Variants in ABR observed in about 807,000 individuals in gnomAD.
The protein encoded by ABR is active breakpoint cluster region-related protein.
In ABR, 35 loss-of-function variants were observed where a neutral mutation model predicts 107.2. The ratio of observed to expected loss-of-function variants is 0.33; its 90% confidence interval spans 0.25 to 0.43. The LOEUF (loss-of-function observed/expected upper bound fraction) is 0.43, where lower values mean the gene tolerates loss of function less well. Among genes scored for constraint, ABR ranks in the 20% least tolerant of loss-of-function variants. The pLI, the probability that ABR is intolerant of heterozygous loss-of-function variation, is 1.00. For synonymous variants in ABR, 498 were observed against 462.0 expected, an observed-to-expected ratio of 1.08 and a Z score of -1.00; for missense variants, 815 against 1,115.2, an observed-to-expected ratio of 0.73 and a Z score of 3.83.
In ABR at chr17:1,218,769, T is replaced by C. The variant is rs370201103; in HGVS notation, c.838+10024A>G. Among the ~76,000 whole-genome samples the C allele has an allele frequency of 2.0e-5, 3 of 152,318 alleles. No individual in the cohort carries two copies. In the East Asian group the frequency reaches 5.8e-4, roughly 29 times the overall value. On this transcript the variant is annotated intron_variant, in intron 1 of 22. Transcript: ENST00000574139. ...TGTTCTTTATGATTTGAAATAATGC[T>C]GTAAGTGATGAGTAGGTCACCAAGA... is the stretch of plus-strand genomic sequence containing the variant.
exon 1 of ABR, among the ~76,000 whole-genome samples, chr17:1,229,513 G>C (rs1476775861): frequency 6.6e-6 from 1 of 152,034 alleles, no homozygotes; most frequent in African/African-American, 2.4e-5. Context: ...TCCAGGTTGA[G>C]TCTGCGGCGC....
chr17:1,160,869 G>A (rs1428017222), intron 1 of ABR, among the ~76,000 whole-genome samples: 2 of 152,256 alleles, frequency 1.3e-5, no homozygotes, highest in Non-Finnish European at 2.9e-5. Flanking sequence ...GGGAACTTCA[G>A]CGATACGGAA....
chr17:1,130,806 G>A (rs1223668836), intron 1 of ABR, among the ~76,000 whole-genome samples: 1 of 152,202 alleles, frequency 6.6e-6, no homozygotes, highest in Non-Finnish European at 1.5e-5. Context: ...ACAGAGGCAA[G>A]GTTTGGACTG....
intron 3 of ABR, among the ~76,000 whole-genome samples, chr17:1,097,865 C>A (rs972739927): frequency 1.3e-5 from 2 of 152,084 alleles, no homozygotes; most frequent in South Asian, 4.1e-4. Context: ...GAATGTCTGA[C>A]GGGTTGTCTC....
At chr17:1,026,458 G>T (rs2072203018) in intron 16 of ABR, among the ~76,000 whole-genome samples, 1 of 152,208 alleles carries the variant, frequency 6.6e-6, no homozygotes, top group Non-Finnish European at 1.5e-5. Context: ...CCAGAAAGGA[G>T]ATCCCTCCAG....
intron 21 of ABR, among the ~76,000 whole-genome samples, chr17:1,008,198 C>G (rs1459517943): frequency 6.6e-6 from 1 of 152,232 alleles, no homozygotes; most frequent in African/African-American, 2.4e-5. Context: ...ACAGCAGGAG[C>G]TGCCATCAGG....
chr17:1,169,411 G>C (rs946961401), intron 1 of ABR, among the ~76,000 whole-genome samples: 2 of 152,244 alleles, frequency 1.3e-5, no homozygotes, highest in Admixed American at 1.3e-4. Context: ...CCAATCAATT[G>C]CTTTGTTACT....
At chr17:1,094,923 CA>C (rs920212070) in intron 3 of ABR, among the ~76,000 whole-genome samples, 2 of 152,148 alleles carry the variant, frequency 1.3e-5, no homozygotes, top group Admixed American at 6.5e-5. Context: ...AGTGTCCCCC[CA>C]AGCCCAGGTG....
chr17:1,191,849 C>T (rs928243519), upstream of ABR, among the ~76,000 whole-genome samples: 22 of 152,164 alleles, frequency 1.4e-4, no homozygotes, highest in East Asian at 5.8e-4. Context: ...GCCACACGAC[C>T]GCTCCAGGAG....
chr17:1,129,531 C>CA (rs1227563315), intron 1 of ABR, among the ~76,000 whole-genome samples: 2 of 151,740 alleles, frequency 1.3e-5, no homozygotes, highest in Non-Finnish European at 2.9e-5. Context: ...GACTCCGTCT[C>CA]AAAAAAACAA....
At chr17:1,075,564 G>A (rs560841977) in intron 6 of ABR, among the ~76,000 whole-genome samples, 3 of 146,400 alleles carry the variant, frequency 2.0e-5, no homozygotes, top group Non-Finnish European at 3.0e-5. Flanking sequence ...CGGAATCACT[G>A]GGGGAGCGGT....
chr17:1,057,834 A>G, intron 12 of ABR, 136 bp downstream of exon 12: 1 of 734,090 alleles, frequency 1.4e-6, no homozygotes, highest in Non-Finnish European at 2.4e-6. Context: ...TAACATCCTT[A>G]AACGCTCACC....
intron 1 of ABR, among the ~76,000 whole-genome samples, chr17:1,197,620 A>G (rs918927870): frequency 6.6e-6 from 1 of 151,670 alleles, no homozygotes; most frequent in African/African-American, 2.4e-5. Context: ...TTTCCTCCCA[A>G]AAGCCACATG....
At chr17:1,207,678 GA>G (rs1168844357) in intron 1 of ABR, among the ~76,000 whole-genome samples, 1 of 151,756 alleles carries the variant, frequency 6.6e-6, no homozygotes, top group Non-Finnish European at 1.5e-5. Flanking sequence ...AGAAGTGGGG[GA>G]AAAAAGGAAA....
intron 3 of ABR, among the ~76,000 whole-genome samples, chr17:1,095,500 T>C (rs377542513): frequency 3.3e-4 from 51 of 152,274 alleles, no homozygotes; most frequent in African/African-American, 1.0e-3. Context: ...GAGGGTGGAC[T>C]GAAAGGCAAG....
intron 1 of ABR, among the ~76,000 whole-genome samples, chr17:1,159,244 A>ACG (rs1333740778): frequency 1.1e-4 from 17 of 151,520 alleles, no homozygotes; most frequent in East Asian, 1.9e-4. Flanking sequence ...TGCGGTACTC[A>ACG]CACACGGGAG....
At chr17:1,022,120 A>AACAAAAAAAAAC (rs1555534387) in intron 16 of ABR, among the ~76,000 whole-genome samples, 5 of 118,388 alleles carry the variant, frequency 4.2e-5, no homozygotes, top group Non-Finnish European at 6.5e-5. Flanking sequence ...AAAAAAAAAA[A>AACAAAAAAAAAC]AAAAACAGAA....
chr17:1,079,182 C>T (rs931349494), intron 6 of ABR, 148 bp downstream of exon 6: 1 of 1,473,078 alleles, frequency 6.8e-7, no homozygotes, highest in South Asian at 1.3e-5. Context: ...GCACTCAGCT[C>T]ACACTCACAC....
intron 4 of ABR, among the ~76,000 whole-genome samples, chr17:1,086,690 A>G (rs533339078): frequency 2.2e-4 from 34 of 152,242 alleles, no homozygotes; most frequent in Non-Finnish European, 3.5e-4. Context: ...TAGTAGAGAC[A>G]GGGTTTCGTC....
Sources: allele counts gnomAD v4.1 joint callset (sites outside exome capture counted in the v4.1 genomes callset), GRCh38; gene constraint gnomAD v4.1.1; transcripts MANE v1.5; gene names NCBI Gene and HGNC (gene_info 2026-07-23, HGNC 2026-07-21).